Variants in CLSTN2 observed in about 807,000 individuals in gnomAD.
CLSTN2 encodes the protein calsyntenin 2.
A neutral mutation model predicts 101.2 loss-of-function variants in CLSTN2; 48 were observed. The observed-to-expected ratio is 0.47, with a 90% confidence interval of 0.38 to 0.60. The LOEUF is 0.60. CLSTN2 is among the 20% of genes least tolerant of loss of function. The pLI is 0.00. For synonymous variants in CLSTN2, 481 were observed against 463.6 expected, an observed-to-expected ratio of 1.04 and a Z score of -0.48; for missense variants, 1,160 against 1,238.2, an observed-to-expected ratio of 0.94 and a Z score of 0.95.
intron 1 of CLSTN2, among the ~76,000 whole-genome samples, chr3:140,129,937 C>T (rs1427681022): frequency 6.6e-6 from 1 of 152,194 alleles, no homozygotes; most frequent in Non-Finnish European, 1.5e-5. Context: ...CCCCATTCAT[C>T]AAGGGGACAC....
chr3:140,334,767 C>A (rs1237060481), intron 2 of CLSTN2, among the ~76,000 whole-genome samples: 1 of 152,084 alleles, frequency 6.6e-6, no homozygotes, highest in Non-Finnish European at 1.5e-5. Context: ...ATAAGATGAG[C>A]CTTGGAGTTT....
chr3:140,474,370 C>T (rs187851181), intron 8 of CLSTN2, among the ~76,000 whole-genome samples: 16 of 152,242 alleles, frequency 1.1e-4, no homozygotes, highest in African/African-American at 3.6e-4. Flanking sequence ...TTTAAAACCC[C>T]CATTCACTGC....
At chr3:140,478,221 T>A (rs1022763162) in intron 8 of CLSTN2, among the ~76,000 whole-genome samples, 12 of 152,008 alleles carry the variant, frequency 7.9e-5, no homozygotes, top group Non-Finnish European at 1.3e-4. Context: ...TTTAAAAAAA[T>A]TATCTAAATG....
chr3:140,388,023 G>A (rs577126068), intron 2 of CLSTN2, among the ~76,000 whole-genome samples: 1 of 152,258 alleles, frequency 6.6e-6, no homozygotes, highest in Non-Finnish European at 1.5e-5. Context: ...CTTTCATATC[G>A]ACAAGCACCA....
chr3:140,367,027 T>A (rs1443914803), intron 2 of CLSTN2, among the ~76,000 whole-genome samples: 2 of 152,134 alleles, frequency 1.3e-5, no homozygotes, highest in Admixed American at 1.3e-4. Context: ...GCATGGTGAT[T>A]AAGCACTTGG....
chr3:140,240,823 A>T (rs2107867599), intron 2 of CLSTN2, among the ~76,000 whole-genome samples: 1 of 152,270 alleles, frequency 6.6e-6, no homozygotes, highest in East Asian at 1.9e-4. Flanking sequence ...GGGGTAAAAG[A>T]AGCAGCCAGA....
Position 140,556,570 on chromosome 3 carries a change from A to G in CLSTN2, c.1732A>G (p.Ile578Val), listed in dbSNP as rs1445231298. The G allele has an allele frequency of 6.2e-7, 1 of 1,614,082 alleles. No individual in the cohort carries two copies. The highest frequency in any genetic ancestry group is 8.5e-7 in the Non-Finnish European group (1 of 1,179,972). ...LVMEGDDIGN[I>V]NRALQKVSYI... Reference sequence around the variant, plus strand: ...GATGGAAGGTGACGACATTGGGAACATTAACCGTGCTCTCCAGAAAGTCTC... The same window carrying G: ...GATGGAAGGTGACGACATTGGGAACGTTAACCGTGCTCTCCAGAAAGTCTC... Residue 578 changes from isoleucine (I) to valine (V), a missense_variant, in exon 11 of 17, where the codon ATT (isoleucine) becomes GTT (valine). Physicochemically the swap from Ile to Val is conservative, Grantham distance 29. Coordinates refer to ENST00000458420, the MANE Select transcript of CLSTN2 (RefSeq NM_022131.3).
chr3:140,419,693 G>A (rs9812113), intron 4 of CLSTN2, among the ~76,000 whole-genome samples: 11,482 of 56,490 alleles, frequency 0.2, 3,843 homozygotes, highest in East Asian at 0.71. Context: ...GTATATATAC[G>A]TATATGAATA....
At chr3:139,987,952 A>G (rs1936055357) in intron 1 of CLSTN2, among the ~76,000 whole-genome samples, 1 of 152,226 alleles carries the variant, frequency 6.6e-6, no homozygotes, top group Non-Finnish European at 1.5e-5. Context: ...TGGTTTTCTC[A>G]CAGGGAATAA....
chr3:140,472,865 C>A (rs574600736), intron 8 of CLSTN2, among the ~76,000 whole-genome samples: 1 of 152,160 alleles, frequency 6.6e-6, no homozygotes, highest in African/African-American at 2.4e-5. Context: ...AACCTAGTCT[C>A]TCTTTATTTC....
At chr3:140,093,065 A>G (rs2008808220) in intron 1 of CLSTN2, among the ~76,000 whole-genome samples, 1 of 152,108 alleles carries the variant, frequency 6.6e-6, no homozygotes. Context: ...ACGGTATTCA[A>G]ATGGGAGCTA....
intron 2 of CLSTN2, among the ~76,000 whole-genome samples, chr3:140,356,107 G>A (rs1173219418): frequency 1.3e-5 from 2 of 152,158 alleles, no homozygotes; most frequent in African/African-American, 4.8e-5. Flanking sequence ...GTCACACTGA[G>A]TTCTGATTGC....
At chr3:140,289,130 A>T (rs746387547) in intron 2 of CLSTN2, among the ~76,000 whole-genome samples, 3 of 152,204 alleles carry the variant, frequency 2.0e-5, no homozygotes, top group Non-Finnish European at 2.9e-5. Context: ...TGTGCCAGGC[A>T]TGGTTCCAAG....
intron 5 of CLSTN2, among the ~76,000 whole-genome samples, chr3:140,429,913 G>A (rs2088610861): frequency 6.6e-6 from 1 of 152,126 alleles, no homozygotes; most frequent in African/African-American, 2.4e-5. Context: ...ACCTTGTCAA[G>A]TGTATGTCCC....
rs544822450 is a variant in CLSTN2, at chr3:140,019,567, G to C, written c.109+84084G>C. On this transcript the variant is annotated intron_variant, in intron 1 of 16. Transcript: ENST00000458420. The stretch of plus-strand genomic sequence containing the variant: ...AGACTAATACAGATGGCATAGTTGG[G>C]TATTTTTAAGAAATGTTTGTCAGAC... Among the ~76,000 whole-genome samples the C allele has an allele frequency of 5.3e-5, 8 of 152,308 alleles. No individual in the cohort carries two copies. In the East Asian group the frequency reaches 1.5e-3, roughly 29 times the overall value.
intron 9 of CLSTN2, among the ~76,000 whole-genome samples, chr3:140,540,689 TG>T (rs1227432571): frequency 3.9e-5 from 6 of 152,146 alleles, no homozygotes; most frequent in African/African-American, 1.4e-4. Flanking sequence ...TAAATAGCCA[TG>T]GGAATGACAG....
At chr3:140,545,862 G>A (rs1255926704) in intron 9 of CLSTN2, among the ~76,000 whole-genome samples, 1 of 152,206 alleles carries the variant, frequency 6.6e-6, no homozygotes, top group Admixed American at 6.5e-5. Flanking sequence ...CAGGAATCAG[G>A]GAAGTCCTTT....
intron 8 of CLSTN2, among the ~76,000 whole-genome samples, chr3:140,511,864 T>G (rs562690874): frequency 2.0e-5 from 3 of 152,174 alleles, no homozygotes; most frequent in Admixed American, 1.3e-4. Flanking sequence ...TCATTGTGGT[T>G]TTGATTTGCA....
chr3:140,432,922 C>T (rs753959488), intron 5 of CLSTN2, among the ~76,000 whole-genome samples: 2 of 152,184 alleles, frequency 1.3e-5, no homozygotes, highest in Non-Finnish European at 2.9e-5. Context: ...ATTGCATGCA[C>T]GTGGTCATTT....
Sources: gnomAD v4.1 joint callset for allele counts (sites outside exome capture counted in the v4.1 genomes callset) on GRCh38, gnomAD v4.1.1 for gene constraint, MANE v1.5 for transcripts, NCBI Gene and HGNC (gene_info 2026-07-23, HGNC 2026-07-21) for gene names.